ABCB5: variants seen among roughly 807,000 people sequenced by gnomAD.
ABCB5 encodes the protein ATP binding cassette subfamily B member 5, also known as ATP-binding cassette sub-family B member 5.
In ABCB5, 155 loss-of-function variants were observed where a neutral mutation model predicts 144.2. The ratio of observed to expected loss-of-function variants is 1.08; its 90% CI spans 0.94 to 1.23. ABCB5 has a LOEUF of 1.23. ABCB5 is among the 50% of genes most tolerant of loss of function. The pLI, the probability that ABCB5 is intolerant of heterozygous loss-of-function variation, is 0.00. For missense variants in ABCB5, 1,830 were observed against 1,520.8 expected, an observed-to-expected ratio of 1.20 and a Z score of -3.38; for synonymous variants, 610 against 528.6, an observed-to-expected ratio of 1.15 and a Z score of -2.11.
In ABCB5 at chr7:20,643,184, G is replaced by T. The variant is rs766397154; in HGVS notation, c.315G>T (p.Leu105=). The change falls in exon 6 of 28, where the codon CTG becomes CTT. Residue 105 remains leucine, a splice_region_variant and synonymous_variant. Coordinates refer to ENST00000404938, the MANE Select transcript of ABCB5 (RefSeq NM_001163941.2). ...TCACATTCTAATACTCTTTCTTCAGGTTGACCCTGTATTATGTTGGAATAG... is the reference window on the plus strand; with the variant it reads ...TCACATTCTAATACTCTTTCTTCAGTTTGACCCTGTATTATGTTGGAATAG... ...SQEKLNEDMT[L]LTLYYVGIGV... is the part of the protein sequence containing the mutation. The T allele has an allele frequency of 2.5e-6, 4 of 1,605,002 alleles. No homozygotes were observed. In the East Asian group the frequency reaches 6.7e-5, roughly 27 times the overall value.
intron 20 of ABCB5, among the ~76,000 whole-genome samples, chr7:20,711,782 T>TCTCTCTCTTTCTCTCTCTCTC (rs763835293): frequency 5.5e-5 from 4 of 72,220 alleles, no homozygotes; most frequent in African/African-American, 2.5e-4. Context: ...TTCTTTCTCT[T>TCTCTCTCTTTCTCTCTCTCTC]TCTTTCTTTC....
chr7:20,751,967 T>A (rs1192180458), intron 26 of ABCB5, among the ~76,000 whole-genome samples: 1 of 152,338 alleles, frequency 6.6e-6, no homozygotes, highest in Admixed American at 6.5e-5. Context: ...GCATGTTAAA[T>A]TGAAAAGTAA....
In ABCB5 at chr7:20,650,119, A is replaced by C. The variant is rs748724651; in HGVS notation, c.1304A>C (p.Gln435Pro). The C allele has an allele frequency of 6.2e-7, 1 of 1,613,636 alleles. No homozygotes were observed. The highest frequency in any genetic ancestry group is 2.2e-5 in the East Asian group (1 of 44,872). The change falls in exon 12 of 28, where the codon CAG becomes CCG. Residue 435 changes from glutamine to proline, a missense_variant. By Grantham distance (76) the Gln-to-Pro change is moderately conservative (BLOSUM62 -1). Coordinates refer to ENST00000404938, the MANE Select transcript of ABCB5 (RefSeq NM_001163941.2). Reference sequence around the variant, plus strand: ...AAGAGTACGGTAGTCCAGCTTCTGCAGAGGTTATATGATCCGGATGATGGC... The same window carrying C: ...AAGAGTACGGTAGTCCAGCTTCTGCCGAGGTTATATGATCCGGATGATGGC... ...SGKSTVVQLL[Q>P]RLYDPDDGFI... is the part of the protein sequence containing the mutation.
At chr7:20,629,449 A>T (rs1013673693) in intron 4 of ABCB5, among the ~76,000 whole-genome samples, 3 of 152,184 alleles carry the variant, frequency 2.0e-5, no homozygotes, top group African/African-American at 4.8e-5. Flanking sequence ...GGCCACTAGG[A>T]TGTAACACAT....
rs574592723 is a variant in ABCB5, at chr7:20,717,883, C to CTTTTTTTTTTTTT, written c.2422-5109_2422-5097dup. On this transcript the variant is annotated intron_variant, in intron 20 of 27. Transcript: ENST00000404938. ...AATACGGTAACATTCTTGTAACATTCTTTTTTTTTTTTTTTTTTTTTTTTT... is the reference window on the plus strand; with the variant it reads ...AATACGGTAACATTCTTGTAACATTCTTTTTTTTTTTTTTTTTTTTTTTTTTTTTTTTTTTTTT... Among the ~76,000 whole-genome samples, 5 of 43,272 alleles carry CTTTTTTTTTTTTT rather than the reference C, an allele frequency of 1.2e-4. 2 individuals are homozygous for CTTTTTTTTTTTTT. Among genetic ancestry groups the CTTTTTTTTTTTTT allele is most frequent in the Admixed American group, 3.6e-4 (1 of 2,780 alleles). 28.4% of individuals were successfully genotyped at this position (43,272 alleles called of 152,430 possible). A position where few individuals can be genotyped will look rare whatever the true frequency, so the allele number is the denominator to read the frequency against.
chr7:20,727,908 CATACTT>C (rs1204359332), intron 22 of ABCB5, among the ~76,000 whole-genome samples: 4 of 152,190 alleles, frequency 2.6e-5, no homozygotes, highest in Non-Finnish European at 5.9e-5. Context: ...CTTTTGGACT[CATACTT>C]GTAGTTGGCA....
chr7:20,644,873 C>T (rs746033131), intron 7 of ABCB5, among the ~76,000 whole-genome samples: 17 of 152,160 alleles, frequency 1.1e-4, no homozygotes, highest in Admixed American at 3.9e-4. Flanking sequence ...AGTGTGACTC[C>T]GAGTGTTGAC....
chr7:20,619,545 CTTGAG>C (rs145414665), intron 1 of ABCB5, among the ~76,000 whole-genome samples: 8,524 of 151,820 alleles, frequency 0.056, 334 homozygotes, highest in South Asian at 0.13. Flanking sequence ...TTTTTTGCTT[CTTGAG>C]TTAAGTTTCT....
At chr7:20,743,563 C>T (rs1583465454) in intron 25 of ABCB5, among the ~76,000 whole-genome samples, 1 of 152,116 alleles carries the variant, frequency 6.6e-6, no homozygotes, top group Admixed American at 6.5e-5. Context: ...ATAATGTAAT[C>T]TCCCCATCCT....
At chr7:20,681,026 CTTTCTTTCTCTT>C (rs1374077066) in intron 14 of ABCB5, among the ~76,000 whole-genome samples, 1 of 72,536 alleles carries the variant, frequency 1.4e-5, no homozygotes, top group Non-Finnish European at 2.4e-5. Context: ...TTCTTTCTTT[CTTTCTTTCTCTT>C]TCTTTCTTTC....
At position 20,742,910 on chromosome 7, in the gene ABCB5, G is replaced by A. The variant is rs1166295729; in HGVS notation, c.3058G>A (p.Val1020Ile). Residue 1020 changes from valine (V) to isoleucine (I), a missense_variant, in exon 25 of 28, where the codon GTC becomes ATC. By Grantham distance (29) the Val-to-Ile change is conservative. Transcript: ENST00000404938. ...TCEGNLEFRE[V>I]SFFYPCRPDV... ...TGAAGGGAATTTAGAGTTTCGAGAA[G>A]TCTCTTTCTTCTATCCATGTCGCCC... 5.6e-6 allele frequency: 9 copies of A among 1,614,096 alleles called. No individual in the cohort carries two copies. In the African/African-American group the frequency reaches 9.3e-5, roughly 17 times the overall value.
chr7:20,705,055 A>G (rs942769106), intron 20 of ABCB5, among the ~76,000 whole-genome samples: 2 of 152,228 alleles, frequency 1.3e-5, no homozygotes, highest in African/African-American at 4.8e-5. Context: ...GGACTAAAGA[A>G]GAGACCAAGA....
intron 20 of ABCB5, among the ~76,000 whole-genome samples, chr7:20,707,097 G>A (rs1786850559): frequency 6.6e-6 from 1 of 152,066 alleles, no homozygotes; most frequent in Admixed American, 6.5e-5. Context: ...TAATTTGGGG[G>A]TCATATTTCC....
At chr7:20,706,329 T>C (rs1045658649) in intron 20 of ABCB5, among the ~76,000 whole-genome samples, 1 of 152,214 alleles carries the variant, frequency 6.6e-6, no homozygotes. Flanking sequence ...TTCAAATCTT[T>C]TCGGAATCTT....
intron 15 of ABCB5, among the ~76,000 whole-genome samples, chr7:20,684,000 T>C (rs898070589): frequency 2.6e-5 from 4 of 152,228 alleles, no homozygotes; most frequent in Middle Eastern, 6.8e-3. Flanking sequence ...TTATTTAAAT[T>C]CTCAGTGCAT....
chr7:20,744,436 C>T (rs1367386269), intron 25 of ABCB5, among the ~76,000 whole-genome samples: 1 of 152,098 alleles, frequency 6.6e-6, no homozygotes, highest in Non-Finnish European at 1.5e-5. Flanking sequence ...TTAGTCTGAA[C>T]GTCCTTTCCT....
At chr7:20,634,666 T>C (rs1784112766) in intron 5 of ABCB5, among the ~76,000 whole-genome samples, 1 of 152,302 alleles carries the variant, frequency 6.6e-6, no homozygotes, top group South Asian at 2.1e-4. Context: ...GAGCATTTTT[T>C]CATATGCTTT....
At chr7:20,728,816 T>G (rs558270261) in intron 23 of ABCB5, among the ~76,000 whole-genome samples, 82 of 152,352 alleles carry the variant, frequency 5.4e-4, no homozygotes, top group Middle Eastern at 3.4e-3. Flanking sequence ...GGTCATGTAC[T>G]TATTTACCAG....
intron 23 of ABCB5, among the ~76,000 whole-genome samples, chr7:20,735,224 G>A (rs975787997): frequency 1.3e-5 from 2 of 152,248 alleles, no homozygotes; most frequent in Middle Eastern, 3.4e-3. Context: ...GCAGTTTATG[G>A]GTGTGTTTCC....
Sources: allele counts gnomAD v4.1 joint callset (sites outside exome capture counted in the v4.1 genomes callset), GRCh38; gene constraint gnomAD v4.1.1; transcripts MANE v1.5; gene names NCBI Gene and HGNC (gene_info 2026-07-23, HGNC 2026-07-21).